GNS: variants seen among roughly 807,000 people sequenced by gnomAD.
GNS encodes glucosamine (N-acetyl)-6-sulfatase, also known as N-acetylglucosamine-6-sulfatase.
GNS carries 40 observed loss-of-function variants against 69.7 expected under a neutral mutation model. The ratio of observed to expected loss-of-function variants is 0.57; its 90% confidence interval spans 0.45 to 0.75. The LOEUF (loss-of-function observed/expected upper bound fraction) is 0.75, where lower values mean the gene tolerates loss of function less well. GNS is among the 30% of genes least tolerant of loss of function. The pLI, the probability that GNS is intolerant of heterozygous loss-of-function variation, is 0.00. For synonymous variants in GNS, 243 were observed against 251.6 expected (o/e 0.97, Z 0.32); for missense variants, 565 against 685.5 (o/e 0.82, Z 1.96).
chr12:64,729,273 C>G, intron 9 of GNS: 2 of 541,264 alleles, frequency 3.7e-6, no homozygotes, highest in South Asian at 4.9e-5. Flanking sequence ...ATAGTATATC[C>G]CCCTGGCAAG....
chr12:64,741,619 C>T (rs891622451), intron 6 of GNS, among the ~76,000 whole-genome samples: 8 of 151,868 alleles, frequency 5.3e-5, no homozygotes, highest in Non-Finnish European at 7.4e-5. Flanking sequence ...GCCAAGATAT[C>T]GGTCACCCTA....
At chr12:64,743,002 G>T in intron 6 of GNS, 139 bp downstream of exon 6, 3 of 770,936 alleles carry the variant, frequency 3.9e-6, no homozygotes. Context: ...TATACTATTG[G>T]TTGTACTAGG....
At chr12:64,722,576 C>A (rs181349481) in intron 11 of GNS, among the ~76,000 whole-genome samples, 44 of 152,308 alleles carry the variant, frequency 2.9e-4, no homozygotes, top group African/African-American at 9.9e-4. Context: ...CAAAGTGAGG[C>A]CAACATGGCT....
At chr12:64,720,508 AAGCAG>A (rs960575452) in intron 12 of GNS, among the ~76,000 whole-genome samples, 23 of 152,230 alleles carry the variant, frequency 1.5e-4, no homozygotes, top group Admixed American at 1.1e-3. Flanking sequence ...TTAGAACAGA[AAGCAG>A]GAGCCTCCAA....
intron 9 of GNS, among the ~76,000 whole-genome samples, chr12:64,733,738 A>C (rs1261127876): frequency 6.6e-6 from 1 of 152,194 alleles, no homozygotes; most frequent in East Asian, 1.9e-4. Flanking sequence ...TCCAAAGCCA[A>C]CAGGTCGTCT....
chr12:64,738,919 T>A (rs535780854), intron 8 of GNS, among the ~76,000 whole-genome samples: 89 of 152,164 alleles, frequency 5.8e-4, no homozygotes, highest in Admixed American at 2.0e-3. Flanking sequence ...CATTTATATA[T>A]GTGGAAAGAA....
At chr12:64,720,718 A>G (rs1241951813) in intron 12 of GNS, among the ~76,000 whole-genome samples, 1 of 152,246 alleles carries the variant, frequency 6.6e-6, no homozygotes, top group African/African-American at 2.4e-5. Flanking sequence ...ACACAATACT[A>G]ATTATTATTT....
At chr12:64,733,889 G>A (rs954715220) in intron 9 of GNS, among the ~76,000 whole-genome samples, 4 of 151,190 alleles carry the variant, frequency 2.6e-5, no homozygotes, top group East Asian at 3.9e-4. Flanking sequence ...AGGAGAAAAC[G>A]TCAATAGTCA....
chr12:64,716,311 T>C lies in GNS; in HGVS notation c.*430A>G. The C allele has an allele frequency of 4.0e-6, 1 of 250,728 alleles. No homozygotes were observed. The highest frequency in any genetic ancestry group is 1.5e-3 in the Middle Eastern group (1 of 660). The allele number at this position is 250,728 out of a possible 1,614,324, so 15.5% of individuals were successfully genotyped here. ...TGATAGTGAAGTGCTCAATCTGAAA[T>C]GCTACACAGGTCCTTTGACTTTAGG... On this transcript the variant is annotated 3_prime_UTR_variant, in exon 14 of 14. Transcript: ENST00000258145.
intron 10 of GNS, among the ~76,000 whole-genome samples, chr12:64,724,569 T>C (rs887365491): frequency 4.6e-5 from 7 of 152,132 alleles, no homozygotes; most frequent in African/African-American, 1.4e-4. Flanking sequence ...CTTAAAAAGC[T>C]CATGCTGGCT....
intron 10 of GNS, among the ~76,000 whole-genome samples, chr12:64,724,555 G>A (rs567802257): frequency 6.6e-6 from 1 of 152,162 alleles, no homozygotes. Flanking sequence ...TGAGTCACTG[G>A]AGACTTAAAA....
intron 8 of GNS, among the ~76,000 whole-genome samples, chr12:64,738,013 T>C (rs1351744822): frequency 1.4e-5 from 2 of 142,628 alleles, no homozygotes; most frequent in African/African-American, 5.1e-5. Flanking sequence ...TGCCTGCATC[T>C]TTTTTTTTTT....
rs1206806524 is a variant in GNS, at chr12:64,723,085, G to A, written c.1229C>T (p.Ser410Leu). The A allele has an allele frequency of 1.2e-5, 19 of 1,611,428 alleles. No individual in the cohort carries two copies. Among genetic ancestry groups the A allele is most frequent in the African/African-American group, 2.7e-5 (2 of 74,860 alleles). Residue 410 changes from serine (S) to leucine (L), a missense_variant, in exon 11 of 14, where the codon TCA (serine) becomes TTA (leucine). Around this residue, in one of 2 missense-constraint regions of GNS, gnomAD observed 384 missense variants for 511.0 expected, o/e 0.75. Coordinates refer to ENST00000258145, the MANE Select transcript of GNS (RefSeq NM_002076.4). ...LRGASNLTWR[S>L]DVLVEYQGEG... ...TCCTTGGTATTCCACCAGGACATCTGATCGCCAGGTCAAGTTACTGGCACC... is the reference window on the plus strand; with the variant it reads ...TCCTTGGTATTCCACCAGGACATCTAATCGCCAGGTCAAGTTACTGGCACC...
chr12:64,741,249 T>C (rs1869723719), intron 6 of GNS, among the ~76,000 whole-genome samples: 1 of 151,644 alleles, frequency 6.6e-6, no homozygotes, highest in Non-Finnish European at 1.5e-5. Context: ...AACTTTACCT[T>C]CCTCTAAGTT....
chr12:64,752,921 G>T (rs1435865378), intron 1 of GNS, 164 bp from the exon 2 acceptor site: 3 of 633,774 alleles, frequency 4.7e-6, no homozygotes, highest in Non-Finnish European at 5.6e-6. Context: ...GACAAGTTTG[G>T]TTCCGGCCAG....
At chr12:64,738,368 G>A (rs892589131) in intron 8 of GNS, among the ~76,000 whole-genome samples, 5 of 152,252 alleles carry the variant, frequency 3.3e-5, no homozygotes, top group South Asian at 2.1e-4. Flanking sequence ...TTGAATCCTG[G>A]AGTCATGTGT....
rs1868802718 is a variant in GNS at position 64,714,556 on chromosome 12, A to T, written c.*2185T>A. On this transcript the variant is annotated 3_prime_UTR_variant, in exon 14 of 14. Transcript: ENST00000258145. ...AAGGTTAGATAGGAAATATACCAAA[A>T]ATAGAAGAGCGTAGAGAGGGCTGCA... 6.6e-6 allele frequency: 1 copy of T among 152,230 alleles called. No individual in the cohort carries two copies. 9.4% of individuals were successfully genotyped at this position (152,230 alleles called of 1,614,324 possible). A position where few individuals can be genotyped will look rare whatever the true frequency, so the allele number is the denominator to read the frequency against.
chr12:64,732,093 A>T (rs1307168649), intron 9 of GNS, among the ~76,000 whole-genome samples: 1 of 143,202 alleles, frequency 7.0e-6, no homozygotes, highest in Non-Finnish European at 1.5e-5. Context: ...TTCAAGCAAT[A>T]CTCTTGCTTC....
chr12:64,750,882 G>T (rs1870056021), intron 2 of GNS, among the ~76,000 whole-genome samples: 1 of 151,996 alleles, frequency 6.6e-6, no homozygotes, highest in African/African-American at 2.4e-5. Context: ...CTCCAACATG[G>T]GCGGTAGAGT....
Sources: gnomAD v4.1 joint callset for allele counts (sites outside exome capture counted in the v4.1 genomes callset) on GRCh38, gnomAD v4.1.1 for gene constraint, gnomAD v4.1.1 regional missense constraint, MANE v1.5 for transcripts, NCBI Gene and HGNC (gene_info 2026-07-23, HGNC 2026-07-21) for gene names.